SGPP1: variants seen among roughly 807,000 people sequenced by gnomAD.
The protein encoded by SGPP1 is sphingosine-1-phosphate phosphatase 1.
A neutral mutation model predicts 33.0 loss-of-function variants in SGPP1; 21 were observed. The ratio of observed to expected loss-of-function variants is 0.64; its 90% CI spans 0.45 to 0.92. SGPP1 has a LOEUF of 0.92. Ranked by LOEUF, SGPP1 falls within the 40% of genes least tolerant of loss-of-function variation. The pLI, the probability that SGPP1 is intolerant of heterozygous loss-of-function variation, is 0.00. For synonymous variants in SGPP1, 239 were observed against 241.2 expected, an observed-to-expected ratio of 0.99 and a Z score of 0.08; for missense variants, 543 against 589.4, an observed-to-expected ratio of 0.92 and a Z score of 0.81.
intron 1 of SGPP1, among the ~76,000 whole-genome samples, chr14:63,720,165 T>A (rs1224468917): frequency 6.7e-6 from 1 of 149,744 alleles, no homozygotes; most frequent in Non-Finnish European, 1.5e-5. Flanking sequence ...TGGTGGCTCA[T>A]GCCTGTAATC....
At chr14:63,701,037 G>C (rs1333354395) in intron 1 of SGPP1, among the ~76,000 whole-genome samples, 1 of 151,956 alleles carries the variant, frequency 6.6e-6, no homozygotes. Context: ...CTGGAGTGCA[G>C]TGGCATGATC....
intron 2 of SGPP1, among the ~76,000 whole-genome samples, chr14:63,687,076 T>A (rs1465368105): frequency 6.6e-6 from 1 of 152,220 alleles, no homozygotes; most frequent in African/African-American, 2.4e-5. Context: ...TCTCATTCAT[T>A]CATTCATTGA....
chr14:63,710,589 C>T (rs1036853469), intron 1 of SGPP1, among the ~76,000 whole-genome samples: 5 of 152,198 alleles, frequency 3.3e-5, no homozygotes, highest in Non-Finnish European at 5.9e-5. Flanking sequence ...CAACTATAAA[C>T]AGAACAGTCA....
chr14:63,699,298 A>G (rs1885249736), intron 1 of SGPP1, among the ~76,000 whole-genome samples: 1 of 152,222 alleles, frequency 6.6e-6, no homozygotes, highest in Non-Finnish European at 1.5e-5. Flanking sequence ...CTTGGTATCA[A>G]TGGCACTAGT....
intron 2 of SGPP1, among the ~76,000 whole-genome samples, 198 bp downstream of exon 2, chr14:63,698,371 A>C (rs1304594481): frequency 6.6e-6 from 1 of 152,232 alleles, no homozygotes; most frequent in African/African-American, 2.4e-5. Flanking sequence ...GATTGCTGGA[A>C]ACTGTTTCTA....
intron 1 of SGPP1, among the ~76,000 whole-genome samples, chr14:63,708,241 A>G (rs1379891147): frequency 2.8e-5 from 4 of 144,130 alleles, no homozygotes; most frequent in Non-Finnish European, 1.5e-5. Context: ...CACTGGCTAT[A>G]GCAGCAATCC....
At chr14:63,727,154 G>C in intron 1 of SGPP1, 107 bp downstream of exon 1, 1 of 1,441,860 alleles carries the variant, frequency 6.9e-7, no homozygotes, top group South Asian at 1.5e-5. Context: ...CCTGTGGAAA[G>C]AGAGGCTTTG....
At chr14:63,724,584 T>C (rs980236956) in intron 1 of SGPP1, among the ~76,000 whole-genome samples, 3 of 133,422 alleles carry the variant, frequency 2.2e-5, no homozygotes, top group African/African-American at 8.7e-5. Flanking sequence ...CAAAGGAAGG[T>C]ACTTTTGTTT....
At chr14:63,719,151 C>T (rs1885717284) in intron 1 of SGPP1, among the ~76,000 whole-genome samples, 2 of 147,488 alleles carry the variant, frequency 1.4e-5, no homozygotes, top group African/African-American at 2.5e-5. Context: ...CCTCAGCTCC[C>T]GAGTAGCTGG....
chr14:63,692,715 G>A (rs901360386), intron 2 of SGPP1, among the ~76,000 whole-genome samples: 2 of 152,124 alleles, frequency 1.3e-5, no homozygotes, highest in Non-Finnish European at 1.5e-5. Context: ...GCTTCCCAAA[G>A]TGTTGGAATT....
rs1482344314 is a variant in SGPP1 at position 63,684,519 on chromosome 14, T to C, written c.*1586A>G. 6.6e-6 allele frequency: 1 copy of C among 152,440 alleles called. No homozygotes were observed. Among genetic ancestry groups the C allele is most frequent in the Non-Finnish European group, 1.5e-5 (1 of 67,936 alleles). The allele number at this position is 152,440 out of a possible 1,614,324, so 9.4% of individuals were successfully genotyped here. On this transcript the variant is annotated 3_prime_UTR_variant, in exon 3 of 3. Coordinates refer to ENST00000247225, the MANE Select transcript of SGPP1 (RefSeq NM_030791.4). ...AGTTGCTTTACTTAAAATTACCAGC[T>C]TCAGTTTTGGTAAAAATTACCATGC...
At chr14:63,707,963 C>A (rs900302879) in intron 1 of SGPP1, among the ~76,000 whole-genome samples, 1 of 152,070 alleles carries the variant, frequency 6.6e-6, no homozygotes, top group African/African-American at 2.4e-5. Flanking sequence ...TCATTAAGTA[C>A]AATAATTTTC....
In SGPP1 at chr14:63,727,660, G is replaced by T; in HGVS notation, c.285C>A (p.Ala95=). ...APNGVRNGLA[A]ELGPASPRRA... ...GCCGCGGCGAGGCCGGGCCCAGCTC[G>T]GCCGCCAGCCCGTTCCGCACGCCGT... is the stretch of plus-strand genomic sequence containing the variant. Residue 95 remains alanine (A), a synonymous_variant, in exon 1 of 3, where the codon GCC becomes GCA. Coordinates refer to ENST00000247225, the MANE Select transcript of SGPP1 (RefSeq NM_030791.4). 7.4e-7 allele frequency: 1 copy of T among 1,344,420 alleles called. No homozygotes were observed. The highest frequency in any genetic ancestry group is 9.5e-7 in the Non-Finnish European group (1 of 1,056,410). 83.3% of individuals were successfully genotyped at this position (1,344,420 alleles called of 1,614,324 possible). A position where few individuals can be genotyped will look rare whatever the true frequency, so the allele number is the denominator to read the frequency against.
chr14:63,704,313 T>C (rs1448422632), intron 1 of SGPP1, among the ~76,000 whole-genome samples: 1 of 152,170 alleles, frequency 6.6e-6, no homozygotes, highest in Non-Finnish European at 1.5e-5. Flanking sequence ...TGACATAAGG[T>C]CAGACATATA....
At chr14:63,725,774 C>T (rs1163093545) in intron 1 of SGPP1, among the ~76,000 whole-genome samples, 3 of 152,122 alleles carry the variant, frequency 2.0e-5, no homozygotes, top group Admixed American at 6.5e-5. Context: ...ACTGCTAATA[C>T]TAATAGCATA....
At chr14:63,720,356 A>T (rs974444591) in intron 1 of SGPP1, among the ~76,000 whole-genome samples, 1 of 152,112 alleles carries the variant, frequency 6.6e-6, no homozygotes. Context: ...GATGGATGGA[A>T]GGAAGGAAGA....
At chr14:63,717,897 A>T (rs758390108) in intron 1 of SGPP1, among the ~76,000 whole-genome samples, 2 of 152,212 alleles carry the variant, frequency 1.3e-5, no homozygotes, top group Admixed American at 1.3e-4. Flanking sequence ...ATTTCAGCAG[A>T]TATTTTGTCA....
In SGPP1 at chr14:63,727,757, G is replaced by C. The variant is rs769724041; in HGVS notation, c.188C>G (p.Pro63Arg). 6.7e-7 allele frequency: 1 copy of C among 1,487,462 alleles called. No homozygotes were observed. The highest frequency in any genetic ancestry group is 2.2e-5 in the Admixed American group (1 of 45,456). The allele number at this position is 1,487,462 out of a possible 1,614,324, so 92.1% of individuals were successfully genotyped here. A position where few individuals can be genotyped will look rare whatever the true frequency, so the allele number is the denominator to read the frequency against. Residue 63 changes from proline to arginine, a missense_variant, in exon 1 of 3, where the codon CCT becomes CGT. Transcript: ENST00000247225. ...GCTCCCGGGAGGCTGGGGGCCTCCA[G>C]GCGCCCCTGGCTGCCGCCCTCGCAG... Reference protein sequence around the residue: ...PRLRGRQPGAPGGPQPPGSDR... With the variant: ...PRLRGRQPGARGGPQPPGSDR...
intron 2 of SGPP1, among the ~76,000 whole-genome samples, chr14:63,693,104 A>AT (rs199507236): frequency 0.013 from 2,024 of 151,382 alleles, 42 homozygotes; most frequent in African/African-American, 0.046. Flanking sequence ...AACTTCTTGT[A>AT]TTTTTTTTTA....
Sources: gnomAD v4.1 joint callset for allele counts (sites outside exome capture counted in the v4.1 genomes callset) on GRCh38, gnomAD v4.1.1 for gene constraint, MANE v1.5 for transcripts, NCBI Gene and HGNC (gene_info 2026-07-23, HGNC 2026-07-21) for gene names.